The following EPHA3 variants were observed in gnomAD, a reference collection of about 807,000 sequenced individuals.
The protein encoded by EPHA3 is EPH receptor A3.
A neutral mutation model predicts 107.1 loss-of-function variants in EPHA3; 42 were observed. The observed-to-expected ratio is 0.39, with a 90% CI of 0.31 to 0.51. The LOEUF (loss-of-function observed/expected upper bound fraction) is 0.51. EPHA3 is among the 20% of genes least tolerant of loss of function. The pLI is 0.78. For missense variants in EPHA3, 1,183 were observed against 1,211.2 expected (o/e 0.98, Z 0.35); for synonymous variants, 461 against 424.8 (o/e 1.09, Z -1.05).
In EPHA3 at chr3:89,198,061, G is replaced by C. The variant is rs374772123; in HGVS notation, c.154-11799G>C. Among the ~76,000 whole-genome samples the C allele has an allele frequency of 4.6e-5, 7 of 152,090 alleles. No homozygotes were observed. In the East Asian group the frequency reaches 7.7e-4, roughly 17 times the overall value. On this transcript the variant is annotated intron_variant, in intron 2 of 16. Transcript: ENST00000336596. ...CAATTATATTTAGTGAATTTCAAAA[G>C]AGTAAAACAGACTTACACTGGTCAT... is the stretch of plus-strand genomic sequence containing the variant.
chr3:89,139,591 A>C (rs1180517820), intron 2 of EPHA3, among the ~76,000 whole-genome samples: 1 of 151,858 alleles, frequency 6.6e-6, no homozygotes, highest in Admixed American at 6.6e-5. Flanking sequence ...AAAGGCAGCA[A>C]AATTTTACTT....
rs372915459 is a variant in EPHA3 at position 89,209,819 on chromosome 3, A to T, written c.154-41A>T. ...CCCTTATGTTGTATTCGTTATTATCATTAATTCTGCCTCACTCTCTGTTTC... is the reference window on the plus strand; with the variant it reads ...CCCTTATGTTGTATTCGTTATTATCTTTAATTCTGCCTCACTCTCTGTTTC... On this transcript the variant is annotated intron_variant, in intron 2 of 16. Transcript: ENST00000336596. 4.6e-6 allele frequency: 7 copies of T among 1,515,270 alleles called. No individual in the cohort carries two copies. The African/African-American group carries it at 8.3e-5, about 18-fold the overall frequency. 93.9% of individuals were successfully genotyped at this position (1,515,270 alleles called of 1,614,324 possible).
intron 3 of EPHA3, among the ~76,000 whole-genome samples, chr3:89,215,052 G>A (rs1704192253): frequency 6.6e-6 from 1 of 151,730 alleles, no homozygotes; most frequent in Non-Finnish European, 1.5e-5. Context: ...AGAATCATGT[G>A]AATCAAAAAT....
intron 3 of EPHA3, among the ~76,000 whole-genome samples, chr3:89,257,202 A>C (rs1705306029): frequency 1.3e-5 from 2 of 152,240 alleles, no homozygotes; most frequent in Non-Finnish European, 2.9e-5. Context: ...CTCAGACCAA[A>C]ACACTTGAGG....
intron 2 of EPHA3, among the ~76,000 whole-genome samples, chr3:89,182,222 A>C (rs1705457327): frequency 6.6e-6 from 1 of 151,860 alleles, no homozygotes; most frequent in Admixed American, 6.6e-5. Context: ...CAGTGGTGCC[A>C]CTTTATAGCC....
chr3:89,338,413 C>T (rs1707440026), intron 3 of EPHA3, among the ~76,000 whole-genome samples: 1 of 152,218 alleles, frequency 6.6e-6, no homozygotes, highest in Admixed American at 6.5e-5. Context: ...AGTGATTGCT[C>T]AGCATGATTT....
chr3:89,161,874 G>A (rs1704951180), intron 2 of EPHA3, among the ~76,000 whole-genome samples: 1 of 151,902 alleles, frequency 6.6e-6, no homozygotes, highest in Non-Finnish European at 1.5e-5. Context: ...CTACCTGAGA[G>A]GCTGAGGTGG....
At chr3:89,270,680 A>G (rs899073475) in intron 3 of EPHA3, among the ~76,000 whole-genome samples, 1 of 152,072 alleles carries the variant, frequency 6.6e-6, no homozygotes, top group Non-Finnish European at 1.5e-5. Flanking sequence ...AATGAATTCA[A>G]TGTCAACTTG....
rs980816492 is a variant in EPHA3, at chr3:89,431,236, C to A, written c.2223C>A (p.Gly741=). 6.8e-6 allele frequency: 11 copies of A among 1,613,748 alleles called. No homozygotes were observed. The highest frequency in any genetic ancestry group is 7.6e-6 in the Non-Finnish European group (9 of 1,179,948). ...GCATGAAGTACCTGTCAGACATGGGCTATGTTCACCGAGACCTCGCTGCTC... is the reference window on the plus strand; with the variant it reads ...GCATGAAGTACCTGTCAGACATGGGATATGTTCACCGAGACCTCGCTGCTC... The part of the protein sequence containing the change: ...ASGMKYLSDM[G]YVHRDLAARN... The change falls in exon 13 of 17, where the codon GGC becomes GGA. Residue 741 remains glycine (G), a synonymous_variant. Coordinates refer to ENST00000336596, the MANE Select transcript of EPHA3 (RefSeq NM_005233.6).
intron 15 of EPHA3, among the ~76,000 whole-genome samples, chr3:89,471,370 TTC>T (rs1710397617): frequency 1.3e-5 from 2 of 152,178 alleles, no homozygotes; most frequent in African/African-American, 4.8e-5. Flanking sequence ...TCCTTTTTCT[TTC>T]TCTCTTTCTT....
chr3:89,216,830 T>A (rs977986641), intron 3 of EPHA3, among the ~76,000 whole-genome samples: 19 of 152,134 alleles, frequency 1.2e-4, no homozygotes, highest in African/African-American at 4.3e-4. Context: ...TTCCAGAGAA[T>A]GATTATTGAT....
At chr3:89,324,271 G>T (rs1206613748) in intron 3 of EPHA3, among the ~76,000 whole-genome samples, 3 of 150,430 alleles carry the variant, frequency 2.0e-5, no homozygotes, top group African/African-American at 7.3e-5. Context: ...AGGTTGAAGC[G>T]ATTCTCATGC....
At chr3:89,382,283 G>A (rs1213724773) in intron 5 of EPHA3, among the ~76,000 whole-genome samples, 1 of 152,106 alleles carries the variant, frequency 6.6e-6, no homozygotes, top group East Asian at 1.9e-4. Context: ...AAAGCTGGGT[G>A]GATTACCTGA....
chr3:89,134,466 T>C (rs1422995123), intron 2 of EPHA3, among the ~76,000 whole-genome samples: 1 of 152,006 alleles, frequency 6.6e-6, no homozygotes, highest in African/African-American at 2.4e-5. Context: ...GAACGTGCGA[T>C]GTTTGGTTTT....
chr3:89,322,596 G>A (rs1384670086), intron 3 of EPHA3, among the ~76,000 whole-genome samples: 1 of 152,114 alleles, frequency 6.6e-6, no homozygotes, highest in Non-Finnish European at 1.5e-5. Context: ...AGGTTTGGAA[G>A]TGTTTGCTAG....
Position 89,466,721 on chromosome 3 carries a change from C to T in EPHA3, c.2691-5743C>T, listed in dbSNP as rs562012272. On this transcript the variant is annotated intron_variant, in intron 15 of 16. Coordinates refer to ENST00000336596, the MANE Select transcript of EPHA3 (RefSeq NM_005233.6). Reference sequence around the variant, plus strand: ...CGGTGCGCACACACACTGGCCTGCGCCCACTGTCTGGCACTCCCTAGTGAG... The same window carrying T: ...CGGTGCGCACACACACTGGCCTGCGTCCACTGTCTGGCACTCCCTAGTGAG... 1.2e-3 allele frequency among the ~76,000 whole-genome samples: 159 copies of T among 135,154 alleles called. 17 individuals are homozygous for T. Among genetic ancestry groups the T allele is most frequent in the Non-Finnish European group, 2.1e-3 (126 of 61,260 alleles). 88.7% of individuals were successfully genotyped at this position (135,154 alleles called of 152,430 possible). A position where few individuals can be genotyped will look rare whatever the true frequency, so the allele number is the denominator to read the frequency against.
chr3:89,400,510 A>T (rs1708939465), intron 7 of EPHA3, among the ~76,000 whole-genome samples: 2 of 152,290 alleles, frequency 1.3e-5, no homozygotes, highest in South Asian at 4.1e-4. Context: ...TGCTAGGATT[A>T]TAGGCGTGAG....
intron 2 of EPHA3, among the ~76,000 whole-genome samples, chr3:89,155,619 C>T (rs1704785717): frequency 6.6e-6 from 1 of 151,944 alleles, no homozygotes; most frequent in Non-Finnish European, 1.5e-5. Context: ...TTTCACAATG[C>T]CAGGCTTTAC....
At position 89,207,567 on chromosome 3, in the gene EPHA3, A is replaced by G. The variant is rs183729215; in HGVS notation, c.154-2293A>G. Among the ~76,000 whole-genome samples, 389 of 141,512 alleles carry G rather than the reference A, an allele frequency of 2.7e-3. 2 individuals carry two copies. Among genetic ancestry groups the G allele is most frequent in the Non-Finnish European group, 4.5e-3 (291 of 64,034 alleles). The allele number at this position is 141,512 out of a possible 152,430, so 92.8% of individuals were successfully genotyped here. A position where few individuals can be genotyped will look rare whatever the true frequency, so the allele number is the denominator to read the frequency against. On this transcript the variant is annotated intron_variant, in intron 2 of 16. Coordinates refer to ENST00000336596, the MANE Select transcript of EPHA3 (RefSeq NM_005233.6). ...AGCAAAAAACACACAAGAAAATCATAACATAGTGTCAATAGAAATAGAAAA... is the reference window on the plus strand; with the variant it reads ...AGCAAAAAACACACAAGAAAATCATGACATAGTGTCAATAGAAATAGAAAA...
Sources: gnomAD v4.1 joint callset for allele counts (sites outside exome capture counted in the v4.1 genomes callset) on GRCh38, gnomAD v4.1.1 for gene constraint, MANE v1.5 for transcripts, NCBI Gene and HGNC (gene_info 2026-07-23, HGNC 2026-07-21) for gene names.